NCOR1: variants seen among roughly 807,000 people sequenced by gnomAD.
The protein encoded by NCOR1 is nuclear receptor corepressor 1, also known as protein phosphatase 1, regulatory subunit 109.
Under a neutral mutation model 288.1 loss-of-function variants are expected in NCOR1, and 63 were observed. That is an observed-to-expected ratio of 0.22 (90% CI 0.18 to 0.27). The LOEUF is 0.27. NCOR1 is among the 10% of genes least tolerant of loss of function. The pLI is 1.00. For missense variants in NCOR1, 2,397 were observed against 3,019.2 expected (o/e 0.79, Z 4.83); for synonymous variants, 1,007 against 1,065.9 (o/e 0.94, Z 1.08).
rs139706730 is a variant in NCOR1 at position 16,080,448 on chromosome 17, C to G, written c.3360G>C (p.Glu1120Asp). The G allele has an allele frequency of 5.5e-4, 895 of 1,614,162 alleles. 1 individual carries two copies. Among genetic ancestry groups the G allele is most frequent in the Non-Finnish European group, 6.4e-4 (760 of 1,180,022 alleles). ...CATGTTGGGCCCTGACCAACAGACC[C>G]TCAGGTTGTGAGTTTTGGCTTCGGG... ...FSPRSQNSQPEGLLVRAQHEG... is the reference protein window; with the variant it reads ...FSPRSQNSQPDGLLVRAQHEG... The change falls in exon 25 of 46, where the codon GAG (glutamate) becomes GAC (aspartate). Residue 1120 changes from glutamate (E) to aspartate (D), a missense_variant. Physicochemically the swap from Glu to Asp is conservative, Grantham distance 45. Transcript: ENST00000268712.
chr17:16,171,857 C>A lies in NCOR1; in HGVS notation c.381G>T (p.Leu127Phe). ...SHFQRVSAAVLPLVHPLPEGL... is the reference protein window; with the variant it reads ...SHFQRVSAAVFPLVHPLPEGL... ...CTTCTGGCAGCGGGTGCACTAAAGG[C>A]AAAACCGCAGCACTGACACGCTGAA... Residue 127 changes from leucine (L) to phenylalanine (F), a missense_variant, in exon 4 of 46, where the codon TTG (leucine) becomes TTT (phenylalanine). Leu to Phe is a conservative substitution (Grantham distance 22). Around this residue, in one of 11 missense-constraint regions of NCOR1, gnomAD observed 110 missense variants for 123.2 expected, o/e 0.89. Coordinates refer to ENST00000268712, the MANE Select transcript of NCOR1 (RefSeq NM_006311.4). The A allele has an allele frequency of 6.2e-7, 1 of 1,612,172 alleles. No individual in the cohort carries two copies. Among genetic ancestry groups the A allele is most frequent in the Non-Finnish European group, 8.5e-7 (1 of 1,179,266 alleles).
intron 18 of NCOR1, 148 bp from the exon 19 acceptor site, chr17:16,109,060 A>G (rs1462979669): frequency 1.6e-6 from 1 of 628,684 alleles, no homozygotes; most frequent in East Asian, 3.4e-5. Flanking sequence ...AAGTGCAGAT[A>G]AATACCTCTC....
chr17:16,038,604 T>A (rs1448653770), intron 44 of NCOR1, among the ~76,000 whole-genome samples: 1 of 152,062 alleles, frequency 6.6e-6, no homozygotes, highest in Non-Finnish European at 1.5e-5. Flanking sequence ...ACCCAGCTAA[T>A]TTTTGTAATT....
chr17:16,113,492 A>C (rs1262370907), intron 18 of NCOR1, among the ~76,000 whole-genome samples: 1 of 152,230 alleles, frequency 6.6e-6, no homozygotes, highest in African/African-American at 2.4e-5. Context: ...ATACTTATGC[A>C]TACTATTTTT....
At chr17:16,104,053 C>A (rs2068120870) in intron 19 of NCOR1, among the ~76,000 whole-genome samples, 1 of 152,130 alleles carries the variant, frequency 6.6e-6, no homozygotes, top group Admixed American at 6.5e-5. Flanking sequence ...TTATATTTTG[C>A]TAATATAGTT....
At chr17:16,079,542 T>A (rs1244262250) in intron 26 of NCOR1, among the ~76,000 whole-genome samples, 1 of 152,226 alleles carries the variant, frequency 6.6e-6, no homozygotes, top group Admixed American at 6.5e-5. Context: ...CCACATTTCC[T>A]GGTTTAGCAT....
At chr17:16,065,077 C>T (rs1239402994) in intron 33 of NCOR1, 58 bp from the exon 34 acceptor site, 25 of 1,508,796 alleles carry the variant, frequency 1.7e-5, no homozygotes, top group Non-Finnish European at 2.2e-5. Flanking sequence ...CAGAACCATA[C>T]ATGACTTTGG....
In NCOR1 at chr17:16,034,959, C is replaced by T. The variant is rs1310557848; in HGVS notation, c.6956-15G>A. 2 of 1,612,032 alleles carry T rather than the reference C, an allele frequency of 1.2e-6. No homozygotes were observed. The highest frequency in any genetic ancestry group is 2.7e-5 in the African/African-American group (2 of 74,702). ...GCAAACTCCTCCTGAAAGTGAAATT[C>T]AAGTTAAAGTATTAATATATTAAGT... is the stretch of plus-strand genomic sequence containing the variant. On this transcript the variant is annotated splice_polypyrimidine_tract_variant and intron_variant, in intron 44 of 45. Transcript: ENST00000268712.
At chr17:16,178,053 T>G (rs2084594839) in intron 3 of NCOR1, among the ~76,000 whole-genome samples, 3 of 150,546 alleles carry the variant, frequency 2.0e-5, no homozygotes, top group Admixed American at 6.6e-5. Context: ...CTACCAAAAA[T>G]ATAAAATTAG....
intron 18 of NCOR1, among the ~76,000 whole-genome samples, chr17:16,115,310 A>G (rs1478427990): frequency 6.6e-6 from 1 of 152,184 alleles, no homozygotes; most frequent in Non-Finnish European, 1.5e-5. Flanking sequence ...GGGCTGCCAT[A>G]AAGACCTCTG....
Position 16,091,915 on chromosome 17 carries a change from T to C in NCOR1, c.2964A>G (p.Arg988=). The C allele has an allele frequency of 6.2e-7, 1 of 1,614,208 alleles. No homozygotes were observed. Among genetic ancestry groups the C allele is most frequent in the South Asian group, 1.1e-5 (1 of 91,084 alleles). Residue 988 remains arginine, a synonymous_variant, in exon 22 of 46, where the codon AGA becomes AGG. Transcript: ENST00000268712. ...QRQEQIDLEC[R]SSTSPCGTSK... ...ATGTGCCACATGGACTTGTAGAACT[T>C]CTACATTCCAAATCTATCTGTTCTT...
rs547382113 is a variant in NCOR1 at position 16,105,961 on chromosome 17, G to A, written c.2182+2825C>T. On this transcript the variant is annotated intron_variant, in intron 19 of 45. Transcript: ENST00000268712. ...CTAAAAGTACAAAAATTAGCTGGGC[G>A]TGGTGGCAAGTGCCTATAATCCCAG... Among the ~76,000 whole-genome samples the A allele has an allele frequency of 9.9e-5, 15 of 152,212 alleles. No homozygotes were observed. In the South Asian group the frequency reaches 1.0e-3, roughly 11 times the overall value.
rs1248153311 is a variant in NCOR1, at chr17:16,070,152, A to G, written c.4513+13T>C. On this transcript the variant is annotated intron_variant, in intron 31 of 45. Coordinates refer to ENST00000268712, the MANE Select transcript of NCOR1 (RefSeq NM_006311.4). ...AATAAAAAGTATCAGACCAAGCAACAAAAGTAACATACCATCAGAAGTTCT... is the reference window on the plus strand; with the variant it reads ...AATAAAAAGTATCAGACCAAGCAACGAAAGTAACATACCATCAGAAGTTCT... 30 of 1,578,368 alleles carry G rather than the reference A, an allele frequency of 1.9e-5. No individual in the cohort carries two copies. The highest frequency in any genetic ancestry group is 2.5e-5 in the Non-Finnish European group (29 of 1,166,014).
chr17:16,117,272 A>C (rs1029157152), intron 18 of NCOR1, among the ~76,000 whole-genome samples: 14 of 152,120 alleles, frequency 9.2e-5, no homozygotes, highest in Admixed American at 6.5e-4. Context: ...ACAGTAATTC[A>C]AGAGTATTTA....
At chr17:16,119,896 T>A (rs747547850) in intron 16 of NCOR1, among the ~76,000 whole-genome samples, 1 of 152,126 alleles carries the variant, frequency 6.6e-6, no homozygotes, top group Non-Finnish European at 1.5e-5. Flanking sequence ...CTAAAACTCC[T>A]GGAGCCCCTT....
At chr17:16,131,875 C>A (rs1156567796) in intron 14 of NCOR1, among the ~76,000 whole-genome samples, 3 of 152,150 alleles carry the variant, frequency 2.0e-5, no homozygotes, top group African/African-American at 7.2e-5. Flanking sequence ...ACACACATAC[C>A]CAGTTCTTAT....
intron 41 of NCOR1, 96 bp from the exon 42 acceptor site, chr17:16,047,189 A>G: frequency 7.9e-7 from 1 of 1,265,136 alleles, no homozygotes; most frequent in Non-Finnish European, 1.1e-6. Flanking sequence ...TACTTAGAAA[A>G]CTACTGCCTC....
chr17:16,110,191 A>G (rs141890321), intron 18 of NCOR1, among the ~76,000 whole-genome samples: 64 of 152,244 alleles, frequency 4.2e-4, no homozygotes, highest in Non-Finnish European at 7.5e-4. Context: ...ACCTGTCCCT[A>G]CAAAAAATAA....
chr17:16,034,863 C>G lies in NCOR1; in HGVS notation c.7037G>C (p.Gly2346Ala). 6.2e-7 allele frequency: 1 copy of G among 1,614,094 alleles called. No homozygotes were observed. Residue 2346 changes from glycine (G) to alanine (A), a missense_variant, in exon 45 of 46, where the codon GGA (glycine) becomes GCA (alanine). Transcript: ENST00000268712. ...GGAGACTGAAGAGGGCCGTTCCGTTCCTAAGTAGCCTTGCCCAGGTATAGG... is the reference window on the plus strand; with the variant it reads ...GGAGACTGAAGAGGGCCGTTCCGTTGCTAAGTAGCCTTGCCCAGGTATAGG... The part of the protein sequence containing the change: ...KSPIPGQGYL[G>A]TERPSSVSSV...
Sources: gnomAD v4.1 joint callset for allele counts (sites outside exome capture counted in the v4.1 genomes callset) on GRCh38, gnomAD v4.1.1 for gene constraint, gnomAD v4.1.1 regional missense constraint, MANE v1.5 for transcripts, NCBI Gene and HGNC (gene_info 2026-07-23, HGNC 2026-07-21) for gene names.